The following KCNK10 variants were observed in gnomAD, a reference collection of about 807,000 sequenced individuals.
The protein encoded by KCNK10 is potassium two pore domain channel subfamily K member 10, also known as potassium channel subfamily K member 10.
KCNK10 carries 25 observed loss-of-function variants against 47.7 expected under a neutral mutation model. The ratio of observed to expected loss-of-function variants is 0.52; its 90% CI spans 0.38 to 0.73. KCNK10 has a LOEUF of 0.73. Among genes scored for constraint, KCNK10 ranks in the 30% least tolerant of loss-of-function variants. The pLI is 0.00. For missense variants in KCNK10, 563 were observed against 714.5 expected, an observed-to-expected ratio of 0.79 and a Z score of 2.42; for synonymous variants, 303 against 285.6, an observed-to-expected ratio of 1.06 and a Z score of -0.61.
At chr14:88,319,377 T>C (rs1389215822) in intron 1 of KCNK10, among the ~76,000 whole-genome samples, 1 of 152,218 alleles carries the variant, frequency 6.6e-6, no homozygotes, top group African/African-American at 2.4e-5. Context: ...TGTCTGTTGA[T>C]AGACATATCC....
At chr14:88,306,528 C>T (rs1284733211) in intron 1 of KCNK10, among the ~76,000 whole-genome samples, 3 of 152,112 alleles carry the variant, frequency 2.0e-5, no homozygotes, top group Non-Finnish European at 4.4e-5. Context: ...AGCTCATTCC[C>T]TGATGATCAA....
chr14:88,293,074 G>A (rs147023566), intron 1 of KCNK10, among the ~76,000 whole-genome samples: 162 of 152,310 alleles, frequency 1.1e-3, no homozygotes, highest in African/African-American at 3.8e-3. Flanking sequence ...TATTTCTGGT[G>A]TATCATCCAG....
chr14:88,272,450 G>A (rs530530636), intron 1 of KCNK10, among the ~76,000 whole-genome samples: 1 of 152,228 alleles, frequency 6.6e-6, no homozygotes, highest in South Asian at 2.1e-4. Context: ...CGAGAGGGCA[G>A]AAGGAGGTGG....
intron 1 of KCNK10, among the ~76,000 whole-genome samples, chr14:88,299,441 T>C (rs1461521077): frequency 1.3e-5 from 2 of 152,184 alleles, no homozygotes; most frequent in East Asian, 1.9e-4. Flanking sequence ...CATATGTTCA[T>C]CTCCTCCATC....
At chr14:88,304,293 TG>T (rs1888164151) in intron 1 of KCNK10, among the ~76,000 whole-genome samples, 1 of 152,056 alleles carries the variant, frequency 6.6e-6, no homozygotes, top group South Asian at 2.1e-4. Context: ...CCAGCCTGGG[TG>T]ACAGAGCAAG....
chr14:88,326,370 T>C (rs1407253901), upstream of KCNK10: 1 of 1,545,650 alleles, frequency 6.5e-7, no homozygotes. Context: ...TCCCCCTCCA[T>C]CCCCTTCGGT....
intron 1 of KCNK10, among the ~76,000 whole-genome samples, chr14:88,320,877 C>T (rs1888532023): frequency 6.6e-6 from 1 of 152,194 alleles, no homozygotes; most frequent in Admixed American, 6.5e-5. Context: ...CCCCACAATG[C>T]TACCCCACCT....
intron 1 of KCNK10, among the ~76,000 whole-genome samples, chr14:88,271,415 C>T (rs1025024588): frequency 1.3e-5 from 2 of 152,146 alleles, no homozygotes; most frequent in South Asian, 2.1e-4. Flanking sequence ...AGGCAGAAAT[C>T]CAGAGTCAAG....
chr14:88,192,030 A>G (rs866511608), intron 5 of KCNK10, among the ~76,000 whole-genome samples, 194 bp downstream of exon 5: 24 of 152,320 alleles, frequency 1.6e-4, no homozygotes, highest in Admixed American at 4.6e-4. Flanking sequence ...CTTTCTTTTC[A>G]TAGCAGAAAA....
chr14:88,269,820 G>A (rs112108949), intron 1 of KCNK10, among the ~76,000 whole-genome samples: 2 of 152,108 alleles, frequency 1.3e-5, no homozygotes, highest in Admixed American at 6.6e-5. Flanking sequence ...AGGAAACTAC[G>A]GGCCAGAGAG....
At chr14:88,326,636 G>C (rs944530526), upstream of KCNK10, 15 of 590,406 alleles carry the variant, frequency 2.5e-5, no homozygotes, top group Non-Finnish European at 4.2e-5. Flanking sequence ...AGGAGACCCG[G>C]GCTGGCGGCC....
chr14:88,201,018 T>C (rs1317447009), intron 4 of KCNK10, among the ~76,000 whole-genome samples: 1 of 152,194 alleles, frequency 6.6e-6, no homozygotes, highest in East Asian at 1.9e-4. Flanking sequence ...AAGGGAGTTG[T>C]TGCAAATGAT....
At chr14:88,194,033 C>A (rs111264753) in intron 4 of KCNK10, among the ~76,000 whole-genome samples, 2,155 of 152,140 alleles carry the variant, frequency 0.014, 58 homozygotes, top group African/African-American at 0.049. Flanking sequence ...TTTTCTAACT[C>A]CTAAGAAGGC....
At chr14:88,229,937 T>A (rs1940539) in intron 3 of KCNK10, among the ~76,000 whole-genome samples, 43,552 of 151,680 alleles carry the variant, frequency 0.29, 6,831 homozygotes, top group East Asian at 0.46. Context: ...GTGACAGTTG[T>A]CTGTAGGCTC....
chr14:88,285,780 G>C (rs1887747525), intron 1 of KCNK10, among the ~76,000 whole-genome samples: 1 of 152,190 alleles, frequency 6.6e-6, no homozygotes, highest in African/African-American at 2.4e-5. Flanking sequence ...CACAGGTTAA[G>C]CCTCCTGGAA....
intron 2 of KCNK10, 73 bp from the exon 3 acceptor site, chr14:88,240,893 AGGTTC>A: frequency 1.2e-6 from 1 of 842,614 alleles, no homozygotes; most frequent in Non-Finnish European, 1.9e-6. Context: ...AAAAAAAAAA[AGGTTC>A]CAATACATTA....
rs540549855 is a variant in KCNK10 at position 88,235,615 on chromosome 14, T to C, written c.520+5088A>G. 3.4e-4 allele frequency among the ~76,000 whole-genome samples: 51 copies of C among 152,158 alleles called. 1 individual carries two copies. The South Asian group carries it at 0.011, about 32-fold the overall frequency. On this transcript the variant is annotated intron_variant, in intron 3 of 6. Coordinates refer to ENST00000319231, the MANE Select transcript of KCNK10 (RefSeq NM_138317.3). ...AAAAAATAAAATTGGAAGGAGCTCA[T>C]GGCAGCACAGGCATTGTGGAAAACA...
Position 88,188,194 on chromosome 14 carries a change from C to T in KCNK10, c.869-85G>A, listed in dbSNP as rs186503622. 1.9e-4 allele frequency: 269 copies of T among 1,451,406 alleles called. No individual in the cohort carries two copies. The African/African-American group carries it at 3.5e-3, about 19-fold the overall frequency. The allele number at this position is 1,451,406 out of a possible 1,614,324, so 89.9% of individuals were successfully genotyped here. ...CATATTCCATTCCATGTAGTGAAGA[C>T]GTCATCCATCATTGTTTAACACTCA... On this transcript the variant is annotated intron_variant, in intron 5 of 6. Coordinates refer to ENST00000319231, the MANE Select transcript of KCNK10 (RefSeq NM_138317.3).
chr14:88,293,681 T>C (rs1887925796), intron 1 of KCNK10, among the ~76,000 whole-genome samples: 1 of 151,726 alleles, frequency 6.6e-6, no homozygotes, highest in Admixed American at 6.6e-5. Flanking sequence ...TCCTCCTCCT[T>C]CTTCTTTTTT....
Sources: allele counts gnomAD v4.1 joint callset (sites outside exome capture counted in the v4.1 genomes callset), GRCh38; gene constraint gnomAD v4.1.1; transcripts MANE v1.5; gene names NCBI Gene and HGNC (gene_info 2026-07-23, HGNC 2026-07-21).